The following INPP4A variants were observed in gnomAD, a reference collection of about 807,000 sequenced individuals.
The protein encoded by INPP4A is inositol polyphosphate-4-phosphatase, type I, 107kD.
A neutral mutation model predicts 119.8 loss-of-function variants in INPP4A; 33 were observed. That is an observed-to-expected ratio of 0.28 (90% CI 0.21 to 0.37). The LOEUF (loss-of-function observed/expected upper bound fraction) is 0.37, where lower values mean the gene tolerates loss of function less well. INPP4A is among the 10% of genes least tolerant of loss of function. The probability of loss-of-function intolerance (pLI) is 1.00; values close to 1 mark genes in which losing one functional copy is unlikely to be tolerated. For synonymous variants in INPP4A, 496 were observed against 500.7 expected (o/e 0.99, Z 0.12); for missense variants, 956 against 1,289.9 (o/e 0.74, Z 3.97).
chr2:98,562,136 T>C (rs988806994), intron 17 of INPP4A, among the ~76,000 whole-genome samples: 2 of 152,218 alleles, frequency 1.3e-5, no homozygotes, highest in African/African-American at 4.8e-5. Context: ...CCATGATTCA[T>C]TTGCTAAGAC....
rs1439810265 is a variant in INPP4A at position 98,589,012 on chromosome 2, A to G, written c.*1404A>G. On this transcript the variant is annotated 3_prime_UTR_variant, in exon 25 of 25. Coordinates refer to ENST00000409851, the MANE Select transcript of INPP4A (RefSeq NM_001134225.2). ...GGCATGGGGAGGACTGCTTATTGGCAGGAACACAGAGGGGGTGGGCATCAG... is the reference window on the plus strand; with the variant it reads ...GGCATGGGGAGGACTGCTTATTGGCGGGAACACAGAGGGGGTGGGCATCAG... The G allele has an allele frequency of 1.1e-5, 2 of 183,274 alleles. No homozygotes were observed. The highest frequency in any genetic ancestry group is 2.3e-5 in the Non-Finnish European group (2 of 86,330). The allele number at this position is 183,274 out of a possible 1,614,324, so 11.4% of individuals were successfully genotyped here.
At chr2:98,574,908 C>T (rs188608857) in intron 23 of INPP4A, among the ~76,000 whole-genome samples, 27 of 152,268 alleles carry the variant, frequency 1.8e-4, no homozygotes, top group African/African-American at 6.3e-4. Flanking sequence ...ATTTCTTGTT[C>T]CCAGTAGAGA....
chr2:98,506,229 C>T (rs1189725557), intron 1 of INPP4A, among the ~76,000 whole-genome samples: 3 of 152,186 alleles, frequency 2.0e-5, no homozygotes, highest in African/African-American at 7.2e-5. Context: ...AAAGATGATG[C>T]CTTTTATTAG....
Position 98,546,605 on chromosome 2 carries a change from C to T in INPP4A, c.1074C>T (p.Val358=). The T allele has an allele frequency of 6.2e-7, 1 of 1,613,418 alleles. No homozygotes were observed. Among genetic ancestry groups the T allele is most frequent in the Non-Finnish European group, 8.5e-7 (1 of 1,179,382 alleles). Residue 358 remains valine, a synonymous_variant, in exon 13 of 25, where the codon GTC becomes GTT. Transcript: ENST00000409851. The surrounding 1 kb of genome is among the most constrained non-coding windows in gnomAD (Gnocchi z 4.2). The part of the protein sequence containing the change: ...DGGSDQNYDI[V]TIGAPAAHCQ... ...ATTCAGATCAGAACTACGACATCGT[C>T]ACCATTGGGGCGCCAGCAGCACACT... is the stretch of plus-strand genomic sequence containing the variant.
rs1692562988 is a variant in INPP4A at position 98,546,829 on chromosome 2, C to T, written c.1163+135C>T. The T allele has an allele frequency of 1.5e-6, 1 of 648,004 alleles. No homozygotes were observed. Among genetic ancestry groups the T allele is most frequent in the Non-Finnish European group, 2.8e-6 (1 of 353,632 alleles). The allele number at this position is 648,004 out of a possible 1,614,324, so 40.1% of individuals were successfully genotyped here. The stretch of plus-strand genomic sequence containing the variant: ...GCTTTTGCGTGGCAGGAGGATCTGC[C>T]TTATGGAGCCTGTGCTGCTCTGTTT... On this transcript the variant is annotated intron_variant, in intron 13 of 24. Coordinates refer to ENST00000409851, the MANE Select transcript of INPP4A (RefSeq NM_001134225.2). The surrounding 1 kb of genome is among the most constrained non-coding windows in gnomAD (Gnocchi z 4.2).
chr2:98,552,472 C>T (rs968342524), intron 13 of INPP4A: 12 of 452,046 alleles, frequency 2.7e-5, no homozygotes, highest in Admixed American at 5.1e-5. Flanking sequence ...TGGAAGATTA[C>T]GATCATTTGG....
In INPP4A at chr2:98,498,359, G is replaced by A. The variant is rs545513532; in HGVS notation, c.-165-20605G>A. Among the ~76,000 whole-genome samples, 22 of 152,098 alleles carry A rather than the reference G, an allele frequency of 1.4e-4. No individual in the cohort carries two copies. The East Asian group carries it at 2.3e-3, about 16-fold the overall frequency. On this transcript the variant is annotated intron_variant, in intron 1 of 24. Transcript: ENST00000409851. ...GCTCTCATTCTCTCTTGCTTTCTGCGATGTAAGATGTGCCTTTTGCCTTCT... is the reference window on the plus strand; with the variant it reads ...GCTCTCATTCTCTCTTGCTTTCTGCAATGTAAGATGTGCCTTTTGCCTTCT...
At position 98,587,717 on chromosome 2, in the gene INPP4A, T is replaced by A; in HGVS notation, c.*109T>A. The A allele has an allele frequency of 1.0e-6, 1 of 973,562 alleles. No individual in the cohort carries two copies. The highest frequency in any genetic ancestry group is 1.5e-6 in the Non-Finnish European group (1 of 676,616). 60.3% of individuals were successfully genotyped at this position (973,562 alleles called of 1,614,324 possible). On this transcript the variant is annotated 3_prime_UTR_variant, in exon 25 of 25. Transcript: ENST00000409851. The stretch of plus-strand genomic sequence containing the variant: ...AAGGATTGGTTTTTATTTTTTGTGG[T>A]TTTTTTAAAAAAAACATTTCACTAA...
intron 1 of INPP4A, among the ~76,000 whole-genome samples, chr2:98,511,261 C>T (rs777733994): frequency 4.6e-5 from 7 of 152,080 alleles, no homozygotes; most frequent in Non-Finnish European, 7.4e-5. Flanking sequence ...GGTTTCACCA[C>T]GTTGGCCAAG....
chr2:98,516,922 CATG>C (rs998076031), intron 1 of INPP4A, among the ~76,000 whole-genome samples: 5 of 152,158 alleles, frequency 3.3e-5, no homozygotes, highest in African/African-American at 1.2e-4. Flanking sequence ...TTTAAAAACA[CATG>C]ATGCAGAACT....
chr2:98,555,086 A>G (rs1015766922), intron 15 of INPP4A, among the ~76,000 whole-genome samples: 7 of 152,188 alleles, frequency 4.6e-5, no homozygotes, highest in Non-Finnish European at 1.0e-4. Context: ...AATCAGCAGC[A>G]AAGTCCCATC....
Position 98,535,730 on chromosome 2 carries a change from GA to G in INPP4A, c.274del (p.Thr92ProfsTer7). The stretch of plus-strand genomic sequence containing the variant: ...TGATTATTTCCTTTTCTGTTCTAGG[GA>G]ACCAACAATCCTATATTTCTAAGCA... The part of the protein sequence containing the change: ...TKHAQTEIIE[G>X]TNNPIFLSSI... On this transcript the variant is annotated frameshift_variant and splice_region_variant, in exon 6 of 25. Transcript: ENST00000409851. LOFTEE classifies it high-confidence loss of function. 2 of 1,442,602 alleles carry G rather than the reference GA, an allele frequency of 1.4e-6. No homozygotes were observed. The highest frequency in any genetic ancestry group is 1.9e-6 in the Non-Finnish European group (2 of 1,037,924). The allele number at this position is 1,442,602 out of a possible 1,614,324, so 89.4% of individuals were successfully genotyped here.
chr2:98,525,479 C>G lies in INPP4A; in HGVS notation c.151+4748C>G, dbSNP rs188021171. 4.4e-3 allele frequency among the ~76,000 whole-genome samples: 670 copies of G among 152,276 alleles called. 1 individual carries two copies. The highest frequency in any genetic ancestry group is 7.5e-3 in the Non-Finnish European group (507 of 68,018). On this transcript the variant is annotated intron_variant, in intron 4 of 24. Transcript: ENST00000409851. ...GTTTCTGAGGATTAGGACATAGGTA[C>G]TTTTTGTCAGAGAGGGGCTTCTCTG...
intron 1 of INPP4A, among the ~76,000 whole-genome samples, chr2:98,511,323 G>A (rs527555818): frequency 6.6e-6 from 1 of 152,208 alleles, no homozygotes. Context: ...CTCCCAAAGT[G>A]CTGGGATTAC....
intron 10 of INPP4A, among the ~76,000 whole-genome samples, chr2:98,542,898 C>G (rs1038488595): frequency 1.3e-5 from 2 of 151,738 alleles, no homozygotes; most frequent in Non-Finnish European, 2.9e-5. Context: ...AGTGACACAG[C>G]GGGCCACTTT....
chr2:98,506,296 G>A (rs1684027384), intron 1 of INPP4A, among the ~76,000 whole-genome samples: 1 of 152,228 alleles, frequency 6.6e-6, no homozygotes, highest in Non-Finnish European at 1.5e-5. Context: ...ATCGGAAAGA[G>A]CACTGGACTA....
intron 1 of INPP4A, among the ~76,000 whole-genome samples, chr2:98,508,601 G>A (rs539968019): frequency 3.9e-5 from 6 of 152,208 alleles, no homozygotes; most frequent in Admixed American, 1.3e-4. Flanking sequence ...TGCTTTCCTC[G>A]GTCCTTTCAT....
At chr2:98,533,293 G>A (rs1689598236) in intron 4 of INPP4A, 84 bp from the exon 5 acceptor site, 1 of 802,246 alleles carries the variant, frequency 1.2e-6, no homozygotes, top group Non-Finnish European at 2.1e-6. Context: ...TACTCTTTGT[G>A]CTTTCTTTGA....
At chr2:98,454,269 CTG>C (rs776058380) in intron 1 of INPP4A, among the ~76,000 whole-genome samples, 2 of 152,236 alleles carry the variant, frequency 1.3e-5, no homozygotes, top group East Asian at 1.9e-4. Context: ...TGCCTTAACA[CTG>C]TCAGGACAGT....
Sources: gnomAD v4.1 joint callset for allele counts (sites outside exome capture counted in the v4.1 genomes callset) on GRCh38, gnomAD v4.1.1 for gene constraint, Gnocchi (gnomAD v3.1) non-coding constraint, MANE v1.5 for transcripts, NCBI Gene and HGNC (gene_info 2026-07-23, HGNC 2026-07-21) for gene names.